Variants in MCU observed in about 807,000 individuals in gnomAD.
MCU encodes calcium uniporter protein, mitochondrial.
MCU carries 12 observed loss-of-function variants against 45.2 expected under a neutral mutation model. The ratio of observed to expected loss-of-function variants is 0.27; its 90% confidence interval spans 0.17 to 0.43. The LOEUF is 0.43. MCU is among the 20% of genes least tolerant of loss of function. The pLI, the probability that MCU is intolerant of heterozygous loss-of-function variation, is 1.00. For synonymous variants in MCU, 160 were observed against 165.1 expected (o/e 0.97, Z 0.24); for missense variants, 324 against 436.7 (o/e 0.74, Z 2.30).
chr10:72,873,463 G>A (rs1395906946), intron 6 of MCU, among the ~76,000 whole-genome samples: 1 of 151,762 alleles, frequency 6.6e-6, no homozygotes, highest in Non-Finnish European at 1.5e-5. Flanking sequence ...TTATTTTTTT[G>A]CTATTGAGTT....
intron 2 of MCU, among the ~76,000 whole-genome samples, chr10:72,846,306 G>A (rs1845122166): frequency 6.6e-6 from 1 of 152,206 alleles, no homozygotes; most frequent in Non-Finnish European, 1.5e-5. Flanking sequence ...GCTTCCCGAA[G>A]TGCTGGGATC....
intron 1 of MCU, among the ~76,000 whole-genome samples, chr10:72,802,035 G>T (rs1844351026): frequency 6.6e-6 from 1 of 152,090 alleles, no homozygotes; most frequent in African/African-American, 2.4e-5. Context: ...CCACCTATGT[G>T]GTCTTTGAGG....
intron 1 of MCU, among the ~76,000 whole-genome samples, chr10:72,809,077 G>T (rs771338555): frequency 6.6e-6 from 1 of 152,220 alleles, no homozygotes; most frequent in Non-Finnish European, 1.5e-5. Flanking sequence ...CTTTCTGTTG[G>T]AGAGTGACTG....
chr10:72,856,158 G>T (rs1845286861), intron 2 of MCU, among the ~76,000 whole-genome samples: 2 of 152,226 alleles, frequency 1.3e-5, no homozygotes, highest in South Asian at 4.2e-4. Context: ...ATATAAAAGG[G>T]TCCATAGCGT....
At chr10:72,804,161 A>C (rs1431662542) in intron 1 of MCU, among the ~76,000 whole-genome samples, 1 of 146,766 alleles carries the variant, frequency 6.8e-6, no homozygotes, top group Non-Finnish European at 1.5e-5. Flanking sequence ...GTCTTGGCTC[A>C]CTGCAACCTC....
chr10:72,827,674 A>G (rs896321274), intron 1 of MCU, among the ~76,000 whole-genome samples: 4 of 152,150 alleles, frequency 2.6e-5, no homozygotes, highest in Non-Finnish European at 5.9e-5. Flanking sequence ...TTGAGTTTAT[A>G]TTTCTGTAGA....
chr10:72,696,024 T>C (rs1842681886), intron 1 of MCU, among the ~76,000 whole-genome samples: 1 of 151,194 alleles, frequency 6.6e-6, no homozygotes, highest in East Asian at 1.9e-4. Context: ...TAGCTGGGCA[T>C]GGTGGCAGGC....
chr10:72,879,611 T>G (rs1404297978), intron 6 of MCU, among the ~76,000 whole-genome samples: 2 of 152,236 alleles, frequency 1.3e-5, no homozygotes, highest in African/African-American at 4.8e-5. Context: ...GAAGAAAGAT[T>G]ATCACACGTG....
At chr10:72,742,829 A>G (rs1843354154) in intron 1 of MCU, among the ~76,000 whole-genome samples, 1 of 152,162 alleles carries the variant, frequency 6.6e-6, no homozygotes, top group South Asian at 2.1e-4. Flanking sequence ...TCTCCTGAAG[A>G]TGTAATTAGA....
chr10:72,794,277 T>C (rs973412876), intron 1 of MCU, among the ~76,000 whole-genome samples: 1 of 152,070 alleles, frequency 6.6e-6, no homozygotes, highest in East Asian at 1.9e-4. Flanking sequence ...GGGAAAAACA[T>C]AGGATCACCA....
chr10:72,830,938 A>G (rs1844869208), intron 1 of MCU, among the ~76,000 whole-genome samples: 1 of 152,186 alleles, frequency 6.6e-6, no homozygotes, highest in South Asian at 2.1e-4. Context: ...CCAAATCCTC[A>G]AGGAAAGATT....
intron 1 of MCU, among the ~76,000 whole-genome samples, chr10:72,729,850 A>G (rs1237197209): frequency 6.6e-6 from 1 of 151,616 alleles, no homozygotes; most frequent in Non-Finnish European, 1.5e-5. Flanking sequence ...GTGCAGTAGC[A>G]CTTCCCTCCC....
intron 2 of MCU, among the ~76,000 whole-genome samples, chr10:72,850,626 T>C (rs542658317): frequency 1.9e-4 from 29 of 152,338 alleles, no homozygotes; most frequent in African/African-American, 6.3e-4. Flanking sequence ...TTTTAAAATA[T>C]GTATTCCTTC....
intron 1 of MCU, among the ~76,000 whole-genome samples, chr10:72,724,383 T>C (rs973251125): frequency 2.0e-5 from 3 of 152,238 alleles, no homozygotes; most frequent in Non-Finnish European, 2.9e-5. Context: ...CCCTTTGCTG[T>C]GAACTAAAAC....
chr10:72,865,180 A>C (rs1036623497), intron 4 of MCU, among the ~76,000 whole-genome samples: 3 of 152,234 alleles, frequency 2.0e-5, no homozygotes, highest in African/African-American at 4.8e-5. Context: ...GCAGAAATTG[A>C]AAAAACAGGG....
rs1187966928 is a variant in MCU, at chr10:72,805,163, C to CTG, written c.151-29195_151-29194insGT. Among the ~76,000 whole-genome samples the CTG allele has an allele frequency of 5.2e-4, 70 of 134,708 alleles. 1 individual carries two copies. The highest frequency in any genetic ancestry group is 4.2e-3 in the Admixed American group (57 of 13,506). 88.4% of individuals were successfully genotyped at this position (134,708 alleles called of 152,430 possible). On this transcript the variant is annotated intron_variant, in intron 1 of 7. Transcript: ENST00000373053. The stretch of plus-strand genomic sequence containing the variant: ...TCTTTCTTTCTTTCTTTCTTTCTGT[C>CTG]TCTCTCTCTCTCTCTTTCCTTCCTT...
chr10:72,828,229 A>C (rs1051998228), intron 1 of MCU, among the ~76,000 whole-genome samples: 1 of 152,188 alleles, frequency 6.6e-6, no homozygotes, highest in South Asian at 2.1e-4. Flanking sequence ...GGGAAATGTA[A>C]CAGGGAGATA....
At chr10:72,755,342 T>A (rs1267974001) in intron 1 of MCU, among the ~76,000 whole-genome samples, 1 of 151,902 alleles carries the variant, frequency 6.6e-6, no homozygotes, top group African/African-American at 2.4e-5. Flanking sequence ...GAGACGGGGT[T>A]TCAGCATGTG....
intron 1 of MCU, chr10:72,756,945 G>A (rs1273639578): frequency 6.6e-6 from 1 of 151,628 alleles, no homozygotes; most frequent in Non-Finnish European, 1.5e-5. Flanking sequence ...GGCTGAGGCA[G>A]GAGGATTATT....
Sources: allele counts gnomAD v4.1 joint callset (sites outside exome capture counted in the v4.1 genomes callset), GRCh38; gene constraint gnomAD v4.1.1; transcripts MANE v1.5; gene names NCBI Gene and HGNC (gene_info 2026-07-23, HGNC 2026-07-21).